Variants in TFDP2 observed in about 807,000 individuals in gnomAD.
TFDP2 encodes transcription factor Dp-2.
TFDP2 carries 17 observed loss-of-function variants against 59.3 expected under a neutral mutation model. The ratio of observed to expected loss-of-function variants is 0.29; its 90% CI spans 0.20 to 0.43. The LOEUF (loss-of-function observed/expected upper bound fraction) is 0.43, where lower values mean the gene tolerates loss of function less well. TFDP2 is among the 20% of genes least tolerant of loss of function. The pLI is 1.00. For missense variants in TFDP2, 391 were observed against 528.8 expected, an observed-to-expected ratio of 0.74 and a Z score of 2.56; for synonymous variants, 180 against 194.7, an observed-to-expected ratio of 0.92 and a Z score of 0.63.
intron 3 of TFDP2, among the ~76,000 whole-genome samples, chr3:142,052,095 C>T (rs924968978): frequency 9.2e-5 from 14 of 152,124 alleles, no homozygotes; most frequent in Admixed American, 2.0e-4. Flanking sequence ...TACTGCACTC[C>T]GGCCAAGCAA....
chr3:142,037,705 T>C (rs1266400069), intron 3 of TFDP2, among the ~76,000 whole-genome samples: 2 of 152,216 alleles, frequency 1.3e-5, no homozygotes, highest in Admixed American at 1.3e-4. Flanking sequence ...CTTACTTTCT[T>C]ATCTGGGACT....
At chr3:142,094,456 C>T (rs2061099357) in intron 2 of TFDP2, among the ~76,000 whole-genome samples, 1 of 152,048 alleles carries the variant, frequency 6.6e-6, no homozygotes, top group African/African-American at 2.4e-5. Context: ...AGGCACCTGC[C>T]ACCACGCCCA....
chr3:142,133,003 T>C (rs1469863584), intron 1 of TFDP2, among the ~76,000 whole-genome samples: 2 of 149,650 alleles, frequency 1.3e-5, no homozygotes, highest in Non-Finnish European at 2.9e-5. Flanking sequence ...CAAGCTGATA[T>C]TGACATGAAA....
intron 9 of TFDP2, among the ~76,000 whole-genome samples, chr3:141,969,154 TATATATATAAC>T (rs1254842038): frequency 2.2e-5 from 2 of 91,784 alleles, no homozygotes; most frequent in African/African-American, 1.1e-4. Context: ...ATATATGAGA[TATATATATAAC>T]ATATATATAT....
At chr3:141,969,127 TAAC>T (rs1939156107) in intron 9 of TFDP2, among the ~76,000 whole-genome samples, 1 of 82,500 alleles carries the variant, frequency 1.2e-5, no homozygotes, top group African/African-American at 5.9e-5. Context: ...GATATATATA[TAAC>T]ATATATATCC....
intron 3 of TFDP2, among the ~76,000 whole-genome samples, chr3:142,042,630 C>CTTTTTTTTTTTTTTTT (rs66981475): frequency 1.8e-5 from 2 of 108,212 alleles, no homozygotes; most frequent in African/African-American, 3.4e-5. Context: ...CTTTTCTTTT[C>CTTTTTTTTTTTTTTTT]TTTTTTTTTT....
At chr3:142,058,319 G>GTTTT (rs397876925) in intron 3 of TFDP2, among the ~76,000 whole-genome samples, 1 of 137,640 alleles carries the variant, frequency 7.3e-6, no homozygotes, top group Non-Finnish European at 1.6e-5. Context: ...AAATGTTTGG[G>GTTTT]TTTTTTTTTT....
intron 3 of TFDP2, among the ~76,000 whole-genome samples, chr3:142,035,682 T>TC (rs1237669845): frequency 6.6e-6 from 1 of 152,188 alleles, no homozygotes; most frequent in Non-Finnish European, 1.5e-5. Flanking sequence ...GGTAATTGAA[T>TC]CATGGGGGCA....
At chr3:142,115,509 G>A (rs1300244705) in intron 1 of TFDP2, among the ~76,000 whole-genome samples, 8 of 152,072 alleles carry the variant, frequency 5.3e-5, no homozygotes, top group Admixed American at 4.6e-4. Context: ...TAGTAGAGAC[G>A]GGGTTTCACC....
At chr3:142,001,379 G>A (rs917713902) in intron 4 of TFDP2, among the ~76,000 whole-genome samples, 1 of 152,206 alleles carries the variant, frequency 6.6e-6, no homozygotes, top group Non-Finnish European at 1.5e-5. Flanking sequence ...GTGCCAGGAA[G>A]GGATTGCCAG....
At position 142,132,750 on chromosome 3, in the gene TFDP2, A is replaced by G. The variant is rs570574726; in HGVS notation, c.-93+16433T>C. ...ACAGATTAAGACGCTATCTCAAAAA[A>G]AAAAAAAAAAGGATATTATGACATG... is the stretch of plus-strand genomic sequence containing the variant. On this transcript the variant is annotated intron_variant, in intron 1 of 12. Transcript: ENST00000489671. 6.0e-5 allele frequency among the ~76,000 whole-genome samples: 9 copies of G among 149,112 alleles called. No homozygotes were observed. The East Asian group carries it at 1.7e-3, about 29-fold the overall frequency.
intron 3 of TFDP2, among the ~76,000 whole-genome samples, chr3:142,060,327 T>A (rs966423869): frequency 6.6e-6 from 1 of 152,200 alleles, no homozygotes; most frequent in African/African-American, 2.4e-5. Flanking sequence ...CTTTCTCATA[T>A]CCATCTTAAG....
At position 141,952,334 on chromosome 3, in the gene TFDP2, G is replaced by A. The variant is rs752386289; in HGVS notation, c.*179C>T. 5.5e-6 allele frequency: 3 copies of A among 542,220 alleles called. No homozygotes were observed. Among genetic ancestry groups the A allele is most frequent in the Non-Finnish European group, 9.2e-6 (3 of 327,430 alleles). 33.6% of individuals were successfully genotyped at this position (542,220 alleles called of 1,614,324 possible). A position where few individuals can be genotyped will look rare whatever the true frequency, so the allele number is the denominator to read the frequency against. ...TTGGCCAGACTTTCATTCACACTATGTTAACTTTCATCTCAATCATCTCAG... is the reference window on the plus strand; with the variant it reads ...TTGGCCAGACTTTCATTCACACTATATTAACTTTCATCTCAATCATCTCAG... On this transcript the variant is annotated 3_prime_UTR_variant, in exon 13 of 13. Coordinates refer to ENST00000489671, the MANE Select transcript of TFDP2 (RefSeq NM_001178139.2).
At position 142,008,555 on chromosome 3, in the gene TFDP2, T is replaced by C. The variant is rs561833746; in HGVS notation, c.83-3011A>G. Among the ~76,000 whole-genome samples, 10 of 152,222 alleles carry C rather than the reference T, an allele frequency of 6.6e-5. No individual in the cohort carries two copies. The South Asian group carries it at 1.9e-3, about 28-fold the overall frequency. On this transcript the variant is annotated intron_variant, in intron 3 of 12. Transcript: ENST00000489671. ...CAACCACCTGGCTTTGTTATACACC[T>C]TTCCTTCTGCTGAGAAGGCCCTTCT...
In TFDP2 at chr3:142,096,010, G is replaced by T. The variant is rs918203843; in HGVS notation, c.16-2883C>A. Among the ~76,000 whole-genome samples, 3 of 152,218 alleles carry T rather than the reference G, an allele frequency of 2.0e-5. No homozygotes were observed. The South Asian group carries it at 6.2e-4, about 32-fold the overall frequency. ...CCACATATTCATAATAGAGAGTTCA[G>T]TTACTGGGTTACCGTTATGCTTAAA... On this transcript the variant is annotated intron_variant, in intron 2 of 12. Transcript: ENST00000489671.
At chr3:142,087,902 C>A (rs974441736) in intron 3 of TFDP2, among the ~76,000 whole-genome samples, 2 of 152,202 alleles carry the variant, frequency 1.3e-5, no homozygotes, top group African/African-American at 2.4e-5. Flanking sequence ...TGTGTAGTCA[C>A]CTCCTCTGCT....
intron 3 of TFDP2, chr3:142,090,816 C>T (rs2060971860): frequency 6.6e-6 from 1 of 152,264 alleles, no homozygotes; most frequent in Non-Finnish European, 1.5e-5. Context: ...CCACCTTGGC[C>T]CCCCAAAGTG....
chr3:141,960,789 T>C (rs1401627298), intron 10 of TFDP2, among the ~76,000 whole-genome samples: 1 of 152,164 alleles, frequency 6.6e-6, no homozygotes, highest in African/African-American at 2.4e-5. Context: ...ACAGGGATGA[T>C]TTCAGGCATC....
chr3:142,039,375 G>C (rs1946848241), intron 3 of TFDP2, among the ~76,000 whole-genome samples: 1 of 152,082 alleles, frequency 6.6e-6, no homozygotes, highest in African/African-American at 2.4e-5. Context: ...TGATGACCTT[G>C]ACAGTTTTTT....
Sources: allele counts gnomAD v4.1 joint callset (sites outside exome capture counted in the v4.1 genomes callset), GRCh38; gene constraint gnomAD v4.1.1; transcripts MANE v1.5; gene names NCBI Gene and HGNC (gene_info 2026-07-23, HGNC 2026-07-21).